The following FOXN3 variants were observed in gnomAD, a reference collection of about 807,000 sequenced individuals.
FOXN3 encodes the protein forkhead box protein N3.
FOXN3 carries 7 observed loss-of-function variants against 38.4 expected under a neutral mutation model. The ratio of observed to expected loss-of-function variants is 0.18; its 90% CI spans 0.10 to 0.34. The LOEUF is 0.34. Ranked by LOEUF, FOXN3 falls within the 10% of genes least tolerant of loss-of-function variation. The probability of loss-of-function intolerance (pLI) is 1.00; values close to 1 mark genes in which losing one functional copy is unlikely to be tolerated. For missense variants in FOXN3, 456 were observed against 613.4 expected (o/e 0.74, Z 2.71); for synonymous variants, 230 against 242.2 (o/e 0.95, Z 0.47).
Position 89,162,853 on chromosome 14 carries a change from G to C in FOXN3, c.968C>G (p.Ala323Gly), listed in dbSNP as rs767596671. The C allele has an allele frequency of 6.2e-7, 1 of 1,611,676 alleles. No individual in the cohort carries two copies. Among genetic ancestry groups the C allele is most frequent in the East Asian group, 2.2e-5 (1 of 44,862 alleles). ...HNYSSAKSSNARSTSPTSDSI... is the reference protein window; with the variant it reads ...HNYSSAKSSNGRSTSPTSDSI... ...GTCGCTGGTGGGCGAGGTGCTCCGG[G>C]CGTTGGAGGACTTGGCACTGCTGTA... Residue 323 changes from alanine (A) to glycine (G), a missense_variant, in exon 6 of 6, where the codon GCC becomes GGC. This residue lies in a region of FOXN3 where 386 missense variants were observed against 505.2 expected (regional missense o/e 0.76). Coordinates refer to ENST00000557258, the MANE Select transcript of FOXN3 (RefSeq NM_005197.4). This position sits in a 1 kb window ranked among gnomAD's most constrained non-coding sequence, Gnocchi z 7.2.
At chr14:89,280,897 A>G in intron 4 of FOXN3, 53 bp downstream of exon 4, 1 of 1,499,794 alleles carries the variant, frequency 6.7e-7, no homozygotes, top group Non-Finnish European at 9.3e-7. Context: ...AGGAGTGATG[A>G]AAGGCGGGTG....
At chr14:89,243,013 G>T (rs1002790881) in intron 4 of FOXN3, among the ~76,000 whole-genome samples, 11 of 152,090 alleles carry the variant, frequency 7.2e-5, no homozygotes, top group African/African-American at 2.7e-4. Context: ...CCCGAGTCCT[G>T]CCCCCTGATG....
chr14:89,312,402 G>A (rs1887584323), intron 3 of FOXN3, among the ~76,000 whole-genome samples: 2 of 151,548 alleles, frequency 1.3e-5, no homozygotes, highest in South Asian at 4.2e-4. Flanking sequence ...GTAAAAGTAA[G>A]GAAAATCAAG....
chr14:89,470,696 A>C (rs1454327669), intron 1 of FOXN3, among the ~76,000 whole-genome samples: 2 of 152,220 alleles, frequency 1.3e-5, no homozygotes, highest in Admixed American at 1.3e-4. Flanking sequence ...CTTGAAAAAC[A>C]TAACTAAGGC....
At chr14:89,185,576 C>T (rs779471500) in intron 4 of FOXN3, 2 of 152,270 alleles carry the variant, frequency 1.3e-5, no homozygotes, top group Non-Finnish European at 2.9e-5. Flanking sequence ...CTATGTAAGA[C>T]ATCAAAAGGG....
chr14:89,506,169 C>T (rs1203199007), intron 1 of FOXN3, among the ~76,000 whole-genome samples: 21 of 89,730 alleles, frequency 2.3e-4, no homozygotes, highest in South Asian at 4.0e-4. Flanking sequence ...CCCCTCTGCC[C>T]GGCCAGCTGC....
intron 4 of FOXN3, among the ~76,000 whole-genome samples, chr14:89,211,149 G>A (rs193190959): frequency 1.3e-5 from 2 of 152,322 alleles, no homozygotes; most frequent in Admixed American, 6.5e-5. Flanking sequence ...GCCAGCTGAT[G>A]TCACTCTACA....
chr14:89,298,001 C>T, intron 3 of FOXN3, among the ~76,000 whole-genome samples: 1 of 151,886 alleles, frequency 6.6e-6, no homozygotes, highest in East Asian at 1.9e-4. Context: ...AACAAAACAA[C>T]AAGAAGAAAA....
chr14:89,376,214 T>A (rs893607283), intron 2 of FOXN3, among the ~76,000 whole-genome samples: 1 of 152,136 alleles, frequency 6.6e-6, no homozygotes, highest in Non-Finnish European at 1.5e-5. Context: ...AGAAAGTACT[T>A]AAAGACTAAA....
intron 1 of FOXN3, among the ~76,000 whole-genome samples, chr14:89,450,496 T>A (rs1892592663): frequency 6.6e-6 from 1 of 152,174 alleles, no homozygotes; most frequent in African/African-American, 2.4e-5. Context: ...CACCTGGACT[T>A]AAGTGTCTTC....
intron 2 of FOXN3, chr14:89,401,584 C>T (rs1249457869): frequency 2.2e-6 from 1 of 455,910 alleles, no homozygotes; most frequent in Non-Finnish European, 4.4e-6. Flanking sequence ...GTGCCAGGCT[C>T]CCTGTACCTT....
chr14:89,189,978 A>T (rs1887903165), intron 4 of FOXN3, among the ~76,000 whole-genome samples: 1 of 152,228 alleles, frequency 6.6e-6, no homozygotes, highest in South Asian at 2.1e-4. Flanking sequence ...CAGAAGAGAA[A>T]GAAATTTCTA....
In FOXN3 at chr14:89,257,719, C is replaced by T. The variant is rs897576633; in HGVS notation, c.745+23231G>A. On this transcript the variant is annotated intron_variant, in intron 4 of 5. Transcript: ENST00000557258. ...GAGCTATGGGCACACCACTGTACTC[C>T]GGCATGGGTGACAGAGTGAGATCCT... Among the ~76,000 whole-genome samples, 5 of 152,170 alleles carry T rather than the reference C, an allele frequency of 3.3e-5. No homozygotes were observed. The South Asian group carries it at 8.3e-4, about 25-fold the overall frequency.
At chr14:89,491,076 G>A (rs1893561500) in intron 1 of FOXN3, among the ~76,000 whole-genome samples, 2 of 152,076 alleles carry the variant, frequency 1.3e-5, no homozygotes, top group Non-Finnish European at 2.9e-5. Flanking sequence ...CCGGGTTCAA[G>A]CGATTCTCCT....
At chr14:89,382,286 G>A (rs1890669469) in intron 2 of FOXN3, among the ~76,000 whole-genome samples, 1 of 151,766 alleles carries the variant, frequency 6.6e-6, no homozygotes, top group Non-Finnish European at 1.5e-5. Context: ...CGGCTGGACC[G>A]CTGACCCATC....
chr14:89,350,519 TG>T, intron 3 of FOXN3, 152 bp downstream of exon 3: 1 of 607,670 alleles, frequency 1.6e-6, no homozygotes. Context: ...AATACAACAG[TG>T]GATATGCCTC....
intron 4 of FOXN3, among the ~76,000 whole-genome samples, chr14:89,217,928 C>T (rs926124135): frequency 6.6e-6 from 1 of 152,198 alleles, no homozygotes; most frequent in Admixed American, 6.5e-5. Context: ...CAAAATGAAC[C>T]GAACATCTGT....
chr14:89,397,067 G>C (rs1891118266), intron 2 of FOXN3, among the ~76,000 whole-genome samples: 1 of 152,086 alleles, frequency 6.6e-6, no homozygotes, highest in Non-Finnish European at 1.5e-5. Flanking sequence ...ATTGCATAAA[G>C]ATGTGGGACA....
At chr14:89,372,295 C>T (rs188914944) in intron 2 of FOXN3, among the ~76,000 whole-genome samples, 1 of 152,174 alleles carries the variant, frequency 6.6e-6, no homozygotes, top group East Asian at 1.9e-4. Flanking sequence ...GCACAGTAAG[C>T]TTTGAAACAT....
Sources: gnomAD v4.1 joint callset for allele counts (sites outside exome capture counted in the v4.1 genomes callset) on GRCh38, gnomAD v4.1.1 for gene constraint, gnomAD v4.1.1 regional missense constraint, Gnocchi (gnomAD v3.1) non-coding constraint, MANE v1.5 for transcripts, NCBI Gene and HGNC (gene_info 2026-07-23, HGNC 2026-07-21) for gene names.